SINHCAF: variants seen among roughly 807,000 people sequenced by gnomAD.
The protein encoded by SINHCAF is SIN3-HDAC complex-associated factor.
A neutral mutation model predicts 25.8 loss-of-function variants in SINHCAF; 3 were observed. That is an observed-to-expected ratio of 0.12 (90% confidence interval 0.05 to 0.30). The LOEUF (loss-of-function observed/expected upper bound fraction) is 0.30. Ranked by LOEUF, SINHCAF falls within the 10% of genes least tolerant of loss-of-function variation. SINHCAF has a pLI of 1.00. For synonymous variants in SINHCAF, 70 were observed against 85.5 expected, an observed-to-expected ratio of 0.82 and a Z score of 1.00; for missense variants, 121 against 262.3, an observed-to-expected ratio of 0.46 and a Z score of 3.72.
Position 31,282,575 on chromosome 12 carries a change from TCAC to T in SINHCAF, c.*134_*136del. ...AGACGGAAGTTGCAGTGAGCCAAGA[TCAC>T]GCCACTGCACTCCAGCCTGGGTAAC... On this transcript the variant is annotated 3_prime_UTR_variant, in exon 6 of 6. Transcript: ENST00000337682. 1.5e-6 allele frequency: 1 copy of T among 650,732 alleles called. No homozygotes were observed. Among genetic ancestry groups the T allele is most frequent in the Non-Finnish European group, 2.5e-6 (1 of 401,242 alleles). The allele number at this position is 650,732 out of a possible 1,614,324, so 40.3% of individuals were successfully genotyped here. A position where few individuals can be genotyped will look rare whatever the true frequency, so the allele number is the denominator to read the frequency against.
chr12:31,306,151 C>T (rs541616272), intron 1 of SINHCAF, among the ~76,000 whole-genome samples: 3 of 152,218 alleles, frequency 2.0e-5, no homozygotes, highest in South Asian at 2.1e-4. Flanking sequence ...TTGCATTACC[C>T]AATGCAAAAA....
Position 31,325,122 on chromosome 12 carries a change from C to G in SINHCAF, c.-21+902G>C, listed in dbSNP as rs1939908543. 1 of 456,772 alleles carries G rather than the reference C, an allele frequency of 2.2e-6. No individual in the cohort carries two copies. Among genetic ancestry groups the G allele is most frequent in the South Asian group, 1.5e-5 (1 of 64,574 alleles). 28.3% of individuals were successfully genotyped at this position (456,772 alleles called of 1,614,324 possible). On this transcript the variant is annotated intron_variant, in intron 1 of 5. Transcript: ENST00000337682. The surrounding 1 kb of genome is among the most constrained non-coding windows in gnomAD (Gnocchi z 5.9). ...GCGTACACAACGCCGCCGCCTCCAT[C>G]TCCAGCCAAGTTGGCTTCCCTGGCC...
At position 31,280,842 on chromosome 12, in the gene SINHCAF, T is replaced by G. The variant is rs1050457245; in HGVS notation, c.*1870A>C. 2.0e-5 allele frequency: 3 copies of G among 152,256 alleles called. No individual in the cohort carries two copies. Among genetic ancestry groups the G allele is most frequent in the African/African-American group, 7.2e-5 (3 of 41,418 alleles). 9.4% of individuals were successfully genotyped at this position (152,256 alleles called of 1,614,324 possible). ...TTATAGTATATTCTACCACCAATAC[T>G]GCAGCCAAAATGTACAAAAAAAATC... On this transcript the variant is annotated 3_prime_UTR_variant, in exon 6 of 6. Transcript: ENST00000337682.
chr12:31,308,165 G>A (rs1436828101), intron 1 of SINHCAF, among the ~76,000 whole-genome samples: 2 of 152,076 alleles, frequency 1.3e-5, no homozygotes, highest in Non-Finnish European at 1.5e-5. Context: ...GGTCTTGAAC[G>A]CCTAGCCACA....
intron 1 of SINHCAF, chr12:31,311,876 G>C (rs184788934): frequency 1.2e-4 from 60 of 499,114 alleles, no homozygotes; most frequent in African/African-American, 1.0e-3. Context: ...ATCACTTGAT[G>C]AAGGTGGCAT....
chr12:31,305,619 T>C (rs568723463), intron 1 of SINHCAF, among the ~76,000 whole-genome samples: 2 of 152,266 alleles, frequency 1.3e-5, no homozygotes, highest in East Asian at 1.9e-4. Flanking sequence ...AATTGTGTTA[T>C]TATTCCATTG....
intron 2 of SINHCAF, chr12:31,297,048 T>C (rs1184177015): frequency 4.7e-6 from 2 of 422,498 alleles, no homozygotes; most frequent in Non-Finnish European, 9.5e-6. Context: ...ATTGTCTCTT[T>C]AAAAAAGAAA....
At chr12:31,319,347 T>C (rs1453240936) in intron 1 of SINHCAF, among the ~76,000 whole-genome samples, 1 of 152,110 alleles carries the variant, frequency 6.6e-6, no homozygotes, top group Non-Finnish European at 1.5e-5. Context: ...GCTAACATGG[T>C]GAAACACCGT....
At chr12:31,315,363 T>G (rs953003293) in intron 1 of SINHCAF, among the ~76,000 whole-genome samples, 1 of 152,220 alleles carries the variant, frequency 6.6e-6, no homozygotes. Context: ...AACCAGTATC[T>G]GTCAGTAAAA....
chr12:31,318,002 C>T (rs567648743), intron 1 of SINHCAF, among the ~76,000 whole-genome samples: 3 of 152,278 alleles, frequency 2.0e-5, no homozygotes, highest in South Asian at 4.1e-4. Flanking sequence ...AAAATACTCG[C>T]GATCACAAAC....
intron 1 of SINHCAF, among the ~76,000 whole-genome samples, chr12:31,313,441 AT>A (rs949219466): frequency 1.6e-4 from 25 of 152,324 alleles, no homozygotes; most frequent in African/African-American, 6.0e-4. Context: ...CACTAATACT[AT>A]CTTAATTACT....
intron 1 of SINHCAF, among the ~76,000 whole-genome samples, chr12:31,311,139 C>T (rs950918616): frequency 3.9e-5 from 6 of 151,958 alleles, no homozygotes; most frequent in Non-Finnish European, 8.8e-5. Flanking sequence ...AGTGTCCGGC[C>T]GTAATCTATG....
At chr12:31,319,251 G>A (rs534946934) in intron 1 of SINHCAF, among the ~76,000 whole-genome samples, 95 of 152,278 alleles carry the variant, frequency 6.2e-4, no homozygotes, top group East Asian at 2.3e-3. Context: ...ATGACAGGCC[G>A]GGCACAGTGG....
At chr12:31,300,731 T>C (rs1166015450) in intron 1 of SINHCAF, among the ~76,000 whole-genome samples, 2 of 152,124 alleles carry the variant, frequency 1.3e-5, no homozygotes, top group African/African-American at 2.4e-5. Flanking sequence ...ATTTGTGTAT[T>C]CCTGTTTTAA....
chr12:31,317,396 G>A (rs182991876), intron 1 of SINHCAF, among the ~76,000 whole-genome samples: 69 of 151,378 alleles, frequency 4.6e-4, no homozygotes, highest in African/African-American at 1.6e-3. Flanking sequence ...CGAATTTTCA[G>A]ACTGGTTAAA....
chr12:31,324,087 G>A lies in SINHCAF; in HGVS notation c.-21+1937C>T, dbSNP rs560022646. 8.2e-5 allele frequency: 37 copies of A among 453,868 alleles called. No individual in the cohort carries two copies. The highest frequency in any genetic ancestry group is 5.2e-4 in the African/African-American group (26 of 50,092). 28.1% of individuals were successfully genotyped at this position (453,868 alleles called of 1,614,324 possible). ...AGGAAAGTTCCTGCGGGGGCCGCTC[G>A]CCGGGGCGAGGGCGAGGGCAGCGGG... On this transcript the variant is annotated intron_variant, in intron 1 of 5. Transcript: ENST00000337682. The surrounding 1 kb of genome is among the most constrained non-coding windows in gnomAD (Gnocchi z 5.5).
chr12:31,314,690 T>C (rs567074777), intron 1 of SINHCAF, among the ~76,000 whole-genome samples: 22 of 152,286 alleles, frequency 1.4e-4, no homozygotes, highest in Non-Finnish European at 2.6e-4. Context: ...AGAAAGATCA[T>C]CCTACCCACT....
chr12:31,315,308 T>C lies in SINHCAF; in HGVS notation c.-21+10716A>G, dbSNP rs553036720. Among the ~76,000 whole-genome samples the C allele has an allele frequency of 8.1e-4, 124 of 152,332 alleles. 1 individual carries two copies. Among genetic ancestry groups the C allele is most frequent in the African/African-American group, 2.9e-3 (121 of 41,576 alleles). On this transcript the variant is annotated intron_variant, in intron 1 of 5. Transcript: ENST00000337682. Reference sequence around the variant, plus strand: ...ACCTTAGGGTCTGGTGGAAGGATGATTGATTCCATCCTGCCTTTGTTCTGT... The same window carrying C: ...ACCTTAGGGTCTGGTGGAAGGATGACTGATTCCATCCTGCCTTTGTTCTGT...
chr12:31,294,318 T>C (rs1179392515), intron 3 of SINHCAF, among the ~76,000 whole-genome samples: 3 of 152,108 alleles, frequency 2.0e-5, no homozygotes, highest in South Asian at 4.1e-4. Flanking sequence ...AAGCAAAAAA[T>C]AGAGCTACTT....
Sources: allele counts gnomAD v4.1 joint callset (sites outside exome capture counted in the v4.1 genomes callset), GRCh38; gene constraint gnomAD v4.1.1; non-coding constraint Gnocchi (gnomAD v3.1); transcripts MANE v1.5; gene names NCBI Gene and HGNC (gene_info 2026-07-23, HGNC 2026-07-21).